MAN1C1: variants seen among roughly 807,000 people sequenced by gnomAD.
MAN1C1 encodes the protein mannosidase alpha class 1C member 1.
Under a neutral mutation model 71.5 loss-of-function variants are expected in MAN1C1, and 49 were observed. That is an observed-to-expected ratio of 0.69 (90% confidence interval 0.54 to 0.87). The LOEUF (loss-of-function observed/expected upper bound fraction) is 0.87. Ranked by LOEUF, MAN1C1 falls within the 40% of genes least tolerant of loss-of-function variation. The pLI, the probability that MAN1C1 is intolerant of heterozygous loss-of-function variation, is 0.00. For synonymous variants in MAN1C1, 352 were observed against 343.7 expected (o/e 1.02, Z -0.27); for missense variants, 743 against 835.0 (o/e 0.89, Z 1.36).
At chr1:25,752,134 G>A (rs1271041397) in intron 4 of MAN1C1, among the ~76,000 whole-genome samples, 10 of 152,018 alleles carry the variant, frequency 6.6e-5, no homozygotes, top group Non-Finnish European at 1.3e-4. Flanking sequence ...GGAGTAACTC[G>A]TATAACCACA....
At position 25,784,335 on chromosome 1, in the gene MAN1C1, A is replaced by AAT. The variant is rs2047738409; in HGVS notation, c.*546_*547insAT. On this transcript the variant is annotated 3_prime_UTR_variant, in exon 12 of 12. Coordinates refer to ENST00000374332, the MANE Select transcript of MAN1C1 (RefSeq NM_020379.4). ...TCAACTTTGTGTCATTTACCTTATA[A>AAT]TTTGAGGAGGGGTTTCCCTTTGGGC... is the stretch of plus-strand genomic sequence containing the variant. 1 of 152,308 alleles carries AAT rather than the reference A, an allele frequency of 6.6e-6. No individual in the cohort carries two copies. The highest frequency in any genetic ancestry group is 6.5e-5 in the Admixed American group (1 of 15,288). 9.4% of individuals were successfully genotyped at this position (152,308 alleles called of 1,614,324 possible).
intron 7 of MAN1C1, among the ~76,000 whole-genome samples, chr1:25,768,988 A>C (rs1443321606): frequency 7.1e-6 from 1 of 140,740 alleles, no homozygotes; most frequent in Non-Finnish European, 1.5e-5. Context: ...CACTCCCCTC[A>C]CATATACATA....
Position 25,753,601 on chromosome 1 carries a change from A to G in MAN1C1, c.929+23A>G. The G allele has an allele frequency of 6.2e-7, 1 of 1,602,584 alleles. No individual in the cohort carries two copies. Among genetic ancestry groups the G allele is most frequent in the South Asian group, 1.1e-5 (1 of 90,328 alleles). On this transcript the variant is annotated intron_variant, in intron 5 of 11. Transcript: ENST00000374332. The surrounding 1 kb of genome is among the most constrained non-coding windows in gnomAD (Gnocchi z 4.9). The stretch of plus-strand genomic sequence containing the variant: ...AAGGTAGGGCGCCATCGCGTTCCCC[A>G]CTGGGGCTTTACTGCGACCATGCCC...
At chr1:25,723,014 C>T (rs999646288) in intron 2 of MAN1C1, among the ~76,000 whole-genome samples, 1 of 152,194 alleles carries the variant, frequency 6.6e-6, no homozygotes, top group South Asian at 2.1e-4. Flanking sequence ...TACTCTTTGT[C>T]CTCAATGTTT....
chr1:25,657,323 G>C (rs1231446513), intron 1 of MAN1C1, among the ~76,000 whole-genome samples: 1 of 152,204 alleles, frequency 6.6e-6, no homozygotes, highest in Middle Eastern at 3.2e-3. Context: ...CTCTTCCCCA[G>C]AGGCTGGGGA....
intron 4 of MAN1C1, among the ~76,000 whole-genome samples, chr1:25,750,368 C>T (rs2047197718): frequency 6.6e-6 from 1 of 152,184 alleles, no homozygotes; most frequent in Non-Finnish European, 1.5e-5. Flanking sequence ...AGTCATTGGT[C>T]AGTTCTGTTC....
intron 2 of MAN1C1, among the ~76,000 whole-genome samples, chr1:25,740,722 C>T (rs2047051675): frequency 6.6e-6 from 1 of 152,100 alleles, no homozygotes; most frequent in South Asian, 2.1e-4. Context: ...AGGCGTGAGC[C>T]ACCGCGCCCG....
intron 7 of MAN1C1, among the ~76,000 whole-genome samples, chr1:25,768,530 A>G (rs1479001483): frequency 2.6e-5 from 2 of 75,858 alleles, no homozygotes; most frequent in Non-Finnish European, 5.3e-5. Context: ...ATACATCCAC[A>G]CTCCCCTCAC....
In MAN1C1 at chr1:25,764,035, C is replaced by A; in HGVS notation, c.1141+68C>A. The A allele has an allele frequency of 7.6e-7, 1 of 1,322,828 alleles. No homozygotes were observed. The highest frequency in any genetic ancestry group is 1.1e-6 in the Non-Finnish European group (1 of 918,454). The allele number at this position is 1,322,828 out of a possible 1,614,324, so 81.9% of individuals were successfully genotyped here. ...GCCCAGGCTTCCTAGGAAGACCCTG[C>A]CAGGCCCCTGGGCTGAGTGAGGATG... On this transcript the variant is annotated intron_variant, in intron 7 of 11. Transcript: ENST00000374332. This position sits in a 1 kb window ranked among gnomAD's most constrained non-coding sequence, Gnocchi z 4.4.
chr1:25,778,288 A>G lies in MAN1C1; in HGVS notation c.1441A>G (p.Ile481Val). ...CCACTACCGAGAGCTCGCAGCCCAG[A>G]TCACCAAGACGTGTCACGAGTCATA... ...RAHYRELAAQ[I>V]TKTCHESYAR... Residue 481 changes from isoleucine to valine, a missense_variant, in exon 9 of 12, where the codon ATC (isoleucine) becomes GTC (valine). Ile to Val is a conservative substitution (Grantham distance 29). Transcript: ENST00000374332. The surrounding 1 kb of genome is among the most constrained non-coding windows in gnomAD (Gnocchi z 5.5). 6.2e-7 allele frequency: 1 copy of G among 1,613,760 alleles called. No individual in the cohort carries two copies. The highest frequency in any genetic ancestry group is 1.1e-5 in the South Asian group (1 of 91,070).
intron 2 of MAN1C1, among the ~76,000 whole-genome samples, chr1:25,721,304 G>T (rs967405933): frequency 1.7e-4 from 26 of 152,096 alleles, no homozygotes. Flanking sequence ...GGATCAGCTT[G>T]TCAACTTCTG....
intron 2 of MAN1C1, among the ~76,000 whole-genome samples, chr1:25,720,727 C>T (rs77955187): frequency 0.01 from 1,534 of 152,208 alleles, 27 homozygotes; most frequent in African/African-American, 0.033. Context: ...GTACTTTTGA[C>T]GTCTAAGAAT....
intron 2 of MAN1C1, among the ~76,000 whole-genome samples, chr1:25,726,007 C>A (rs577424707): frequency 3.5e-4 from 54 of 152,334 alleles, no homozygotes; most frequent in East Asian, 2.5e-3. Flanking sequence ...TCACAAAGGG[C>A]CATTTACAGG....
chr1:25,618,023 C>T lies in MAN1C1; in HGVS notation c.226C>T (p.Arg76Cys). The T allele has an allele frequency of 1.9e-6, 3 of 1,597,094 alleles. No individual in the cohort carries two copies. The highest frequency in any genetic ancestry group is 1.1e-5 in the South Asian group (1 of 89,920). The change falls in exon 1 of 12, where the codon CGC becomes TGC. Residue 76 changes from arginine to cysteine, a missense_variant. By Grantham distance (180) the Arg-to-Cys change is radical (BLOSUM62 -3). Coordinates refer to ENST00000374332, the MANE Select transcript of MAN1C1 (RefSeq NM_020379.4). Reference protein sequence around the residue: ...VAEIAGHAPAREQEPPPNPAP... With the variant: ...VAEIAGHAPACEQEPPPNPAP... ...TGAAATCGCCGGCCATGCCCCGGCC[C>T]GCGAGCAGGAGCCGCCTCCCAACCC...
intron 1 of MAN1C1, among the ~76,000 whole-genome samples, chr1:25,642,628 T>G (rs561597638): frequency 1.3e-5 from 2 of 152,368 alleles, no homozygotes; most frequent in Admixed American, 1.3e-4. Flanking sequence ...TTCTTCAATC[T>G]GCCCCAACTA....
intron 1 of MAN1C1, chr1:25,654,282 C>G (rs1263550395): frequency 6.6e-6 from 1 of 152,232 alleles, no homozygotes; most frequent in Non-Finnish European, 1.5e-5. Context: ...GAAGATCTAT[C>G]AAAGATTTGA....
At chr1:25,721,132 A>G (rs925849527) in intron 2 of MAN1C1, among the ~76,000 whole-genome samples, 2 of 152,092 alleles carry the variant, frequency 1.3e-5, no homozygotes, top group Non-Finnish European at 2.9e-5. Context: ...TGTTTGGCCT[A>G]TTCTGGGTCC....
intron 2 of MAN1C1, among the ~76,000 whole-genome samples, chr1:25,719,780 T>TTTTG (rs573468036): frequency 3.2e-4 from 49 of 152,154 alleles, no homozygotes; most frequent in African/African-American, 9.2e-4. Context: ...CTCATTGTTA[T>TTTTG]TTTGTTTGTT....
intron 3 of MAN1C1, among the ~76,000 whole-genome samples, chr1:25,748,222 T>G (rs1261222589): frequency 6.6e-6 from 1 of 152,132 alleles, no homozygotes; most frequent in Non-Finnish European, 1.5e-5. Flanking sequence ...GTGGGGTCAC[T>G]CGACCTCGAA....
Sources: gnomAD v4.1 joint callset for allele counts (sites outside exome capture counted in the v4.1 genomes callset) on GRCh38, gnomAD v4.1.1 for gene constraint, Gnocchi (gnomAD v3.1) non-coding constraint, MANE v1.5 for transcripts, NCBI Gene and HGNC (gene_info 2026-07-23, HGNC 2026-07-21) for gene names.